CYB5D2: variants seen among roughly 807,000 people sequenced by gnomAD.
The protein encoded by CYB5D2 is neuferricin.
CYB5D2 carries 23 observed loss-of-function variants against 22.8 expected under a neutral mutation model. That is an observed-to-expected ratio of 1.01 (90% CI 0.73 to 1.43). CYB5D2 has a LOEUF of 1.43. CYB5D2 is among the 40% of genes most tolerant of loss of function. The pLI, the probability that CYB5D2 is intolerant of heterozygous loss-of-function variation, is 0.00. For missense variants in CYB5D2, 373 were observed against 357.2 expected (o/e 1.04, Z -0.36); for synonymous variants, 170 against 152.2 (o/e 1.12, Z -0.86).
rs369489848 is a variant in CYB5D2, at chr17:4,144,013, C to T, written c.250+8C>T. ...ACTATAGCGGCTTCGCAGGTATCAG[C>T]GAGGCTGCTCACGCCTTTCTCTCCG... On this transcript the variant is annotated splice_region_variant and intron_variant, in intron 1 of 3. Transcript: ENST00000301391. The T allele has an allele frequency of 6.3e-7, 1 of 1,583,742 alleles. No individual in the cohort carries two copies. Among genetic ancestry groups the T allele is most frequent in the African/African-American group, 1.4e-5 (1 of 74,056 alleles).
Position 4,157,093 on chromosome 17 carries a change from C to T in CYB5D2, c.*11C>T, listed in dbSNP as rs1356328532. 6.2e-7 allele frequency: 1 copy of T among 1,611,878 alleles called. No homozygotes were observed. Among genetic ancestry groups the T allele is most frequent in the Admixed American group, 1.7e-5 (1 of 60,000 alleles). On this transcript the variant is annotated 3_prime_UTR_variant, in exon 4 of 4. Transcript: ENST00000301391. The surrounding 1 kb of genome is among the most constrained non-coding windows in gnomAD (Gnocchi z 4.4). ...TCCTTTCCACTCTAAGCCGTAGCCT[C>T]TTCTGTTAATAACACACAGAGAGCT...
chr17:4,143,606 A>C lies in CYB5D2; in HGVS notation c.-150A>C. 1 of 1,113,392 alleles carries C rather than the reference A, an allele frequency of 9.0e-7. No homozygotes were observed. The highest frequency in any genetic ancestry group is 1.6e-5 in the South Asian group (1 of 62,020). The allele number at this position is 1,113,392 out of a possible 1,614,324, so 69.0% of individuals were successfully genotyped here. Reference sequence around the variant, plus strand: ...CAGTGCCAGGAATACAGATAAAACGAGAGAGACTAAGGGAGGGAGCGCGAG... The same window carrying C: ...CAGTGCCAGGAATACAGATAAAACGCGAGAGACTAAGGGAGGGAGCGCGAG... On this transcript the variant is annotated 5_prime_UTR_variant, in exon 1 of 4. Transcript: ENST00000301391.
rs2059118233 is a variant in CYB5D2 at position 4,156,946 on chromosome 17, T to A, written c.659T>A (p.Val220Glu). The A allele has an allele frequency of 9.9e-6, 16 of 1,612,830 alleles. No individual in the cohort carries two copies. Among genetic ancestry groups the A allele is most frequent in the Non-Finnish European group, 1.4e-5 (16 of 1,180,010 alleles). ...GCTAAGGAGCCCCGCTGCGTGTGTG[T>A]GAGAACCACCGGCCCCCCTAGTGGC... The part of the protein sequence containing the change: ...PGAKEPRCVC[V>E]RTTGPPSGQM... Residue 220 changes from valine (V) to glutamate (E), a missense_variant, in exon 4 of 4, where the codon GTG (valine) becomes GAG (glutamate). By Grantham distance (121) the Val-to-Glu change is moderately radical (BLOSUM62 -2). Transcript: ENST00000301391.
chr17:4,146,409 G>T (rs146117260), intron 1 of CYB5D2, among the ~76,000 whole-genome samples: 11,064 of 147,640 alleles, frequency 0.075, 494 homozygotes, highest in South Asian at 0.15. Flanking sequence ...TTGTTTTTTT[G>T]AGATGGAGTC....
intron 3 of CYB5D2, among the ~76,000 whole-genome samples, chr17:4,156,636 G>C (rs566638544): frequency 1.3e-5 from 2 of 152,348 alleles, no homozygotes; most frequent in Non-Finnish European, 2.9e-5. Flanking sequence ...AAGGAACCAT[G>C]GACTGTGCCC....
At chr17:4,146,281 G>T (rs2058990400) in intron 1 of CYB5D2, among the ~76,000 whole-genome samples, 1 of 152,046 alleles carries the variant, frequency 6.6e-6, no homozygotes, top group African/African-American at 2.4e-5. Flanking sequence ...TTTTAATAGA[G>T]ATGGGGTTTT....
intron 2 of CYB5D2, among the ~76,000 whole-genome samples, chr17:4,152,068 A>G (rs531529288): frequency 6.6e-6 from 1 of 152,064 alleles, no homozygotes; most frequent in Admixed American, 6.5e-5. Flanking sequence ...CAAATACTTC[A>G]TACTAAGATT....
At position 4,149,974 on chromosome 17, in the gene CYB5D2, G is replaced by C. The variant is rs879740482; in HGVS notation, c.334G>C (p.Glu112Gln). The C allele has an allele frequency of 6.2e-7, 1 of 1,614,108 alleles. No homozygotes were observed. Among genetic ancestry groups the C allele is most frequent in the South Asian group, 1.1e-5 (1 of 91,072 alleles). The part of the protein sequence containing the change: ...VDDVSDLSAA[E>Q]MLTLHNWLSF... ...TGACGTATCCGACCTGTCAGCCGCTGAGATGCTGACACTTCACAATTGGCT... is the reference window on the plus strand; with the variant it reads ...TGACGTATCCGACCTGTCAGCCGCTCAGATGCTGACACTTCACAATTGGCT... The change falls in exon 2 of 4, where the codon GAG becomes CAG. Residue 112 changes from glutamate (E) to glutamine (Q), a missense_variant. Coordinates refer to ENST00000301391, the MANE Select transcript of CYB5D2 (RefSeq NM_144611.4).
chr17:4,152,212 C>G (rs1377645206), intron 2 of CYB5D2, among the ~76,000 whole-genome samples: 1 of 152,094 alleles, frequency 6.6e-6, no homozygotes, highest in Non-Finnish European at 1.5e-5. Flanking sequence ...TAGTTGATGT[C>G]AGGATCTTAT....
chr17:4,150,622 C>T (rs1316711871), intron 2 of CYB5D2, among the ~76,000 whole-genome samples: 1 of 152,204 alleles, frequency 6.6e-6, no homozygotes, highest in Non-Finnish European at 1.5e-5. Flanking sequence ...CAGTGGCTCA[C>T]GACTGTAATA....
At position 4,143,265 on chromosome 17, in the gene CYB5D2, G is replaced by A. The variant is rs78628582; in HGVS notation, c.-491G>A. The A allele has an allele frequency of 2.0e-5, 4 of 196,932 alleles. No homozygotes were observed. Among genetic ancestry groups the A allele is most frequent in the South Asian group, 1.4e-4 (1 of 7,084 alleles). 12.2% of individuals were successfully genotyped at this position (196,932 alleles called of 1,614,324 possible). On this transcript the variant is annotated 5_prime_UTR_variant, in exon 1 of 4. Coordinates refer to ENST00000301391, the MANE Select transcript of CYB5D2 (RefSeq NM_144611.4). The stretch of plus-strand genomic sequence containing the variant: ...AGAAGGGCCAGGCGCGGTGGCTCAC[G>A]CCTGTAATCCCAGCACTTTGGGAGG...
chr17:4,154,643 C>T (rs766691333), intron 2 of CYB5D2, 31 bp from the exon 3 acceptor site: 2 of 1,604,448 alleles, frequency 1.2e-6, no homozygotes, highest in South Asian at 2.2e-5. Context: ...AGTATTCACT[C>T]TCACTCACAT....
At position 4,154,734 on chromosome 17, in the gene CYB5D2, T is replaced by A; in HGVS notation, c.452T>A (p.Val151Glu). Reference sequence around the variant, plus strand: ...CTGCCCACCCCGGCACTGACCCAGGTAGAAGCTGCGATCACCAGAGGCTTG... The same window carrying A: ...CTGCCCACCCCGGCACTGACCCAGGAAGAAGCTGCGATCACCAGAGGCTTG... ...DGLPTPALTQ[V>E]EAAITRGLEA... The change falls in exon 3 of 4, where the codon GTA becomes GAA. Residue 151 changes from valine to glutamate, a missense_variant. Coordinates refer to ENST00000301391, the MANE Select transcript of CYB5D2 (RefSeq NM_144611.4). 1 of 1,614,126 alleles carries A rather than the reference T, an allele frequency of 6.2e-7. No homozygotes were observed. Among genetic ancestry groups the A allele is most frequent in the Non-Finnish European group, 8.5e-7 (1 of 1,180,020 alleles).
At chr17:4,144,030 TTCTC>T (rs774432173) in intron 1 of CYB5D2, 25 bp downstream of exon 1, 33 of 1,561,194 alleles carry the variant, frequency 2.1e-5, no homozygotes, top group Non-Finnish European at 2.5e-5. Flanking sequence ...GCTCACGCCT[TTCTC>T]TCCGCTGGCG....
chr17:4,147,177 A>G (rs954369272), intron 1 of CYB5D2, among the ~76,000 whole-genome samples: 4 of 152,342 alleles, frequency 2.6e-5, no homozygotes, highest in Admixed American at 2.0e-4. Context: ...AGTTGGAGAC[A>G]GAAGAATCCC....
intron 3 of CYB5D2, among the ~76,000 whole-genome samples, chr17:4,156,664 G>A (rs776304411): frequency 3.3e-5 from 5 of 152,204 alleles, no homozygotes; most frequent in Non-Finnish European, 5.9e-5. Flanking sequence ...GGGGAAGGTG[G>A]TGGTGGCCCT....
At chr17:4,154,317 C>T (rs989663947) in intron 2 of CYB5D2, among the ~76,000 whole-genome samples, 1 of 152,196 alleles carries the variant, frequency 6.6e-6, no homozygotes, top group African/African-American at 2.4e-5. Context: ...AGCCAATAAG[C>T]CATTCATTCA....
chr17:4,156,769 A>G (rs2059116047), intron 3 of CYB5D2, 97 bp from the exon 4 acceptor site: 7 of 1,319,282 alleles, frequency 5.3e-6, no homozygotes, highest in East Asian at 2.5e-5. Context: ...GTAGGCTTCT[A>G]CTTTTCAGAA....
At chr17:4,154,334 A>G (rs1261560172) in intron 2 of CYB5D2, among the ~76,000 whole-genome samples, 1 of 152,260 alleles carries the variant, frequency 6.6e-6, no homozygotes, top group Non-Finnish European at 1.5e-5. Context: ...TTCATCAAAC[A>G]TTAATTGAAT....
Sources: allele counts gnomAD v4.1 joint callset (sites outside exome capture counted in the v4.1 genomes callset), GRCh38; gene constraint gnomAD v4.1.1; non-coding constraint Gnocchi (gnomAD v3.1); transcripts MANE v1.5; gene names NCBI Gene and HGNC (gene_info 2026-07-23, HGNC 2026-07-21).